The following SULF1 variants were observed in gnomAD, a reference collection of about 807,000 sequenced individuals.
SULF1 encodes extracellular sulfatase Sulf-1.
SULF1 carries 46 observed loss-of-function variants against 110.5 expected under a neutral mutation model. The ratio of observed to expected loss-of-function variants is 0.42; its 90% confidence interval spans 0.33 to 0.53. The LOEUF is 0.53. Ranked by LOEUF, SULF1 falls within the 20% of genes least tolerant of loss-of-function variation. SULF1 has a pLI of 0.12. For missense variants in SULF1, 941 were observed against 1,094.2 expected, an observed-to-expected ratio of 0.86 and a Z score of 1.98; for synonymous variants, 371 against 387.1, an observed-to-expected ratio of 0.96 and a Z score of 0.49.
chr8:69,492,975 C>G lies in SULF1; in HGVS notation c.-541C>G, dbSNP rs895076024. The G allele has an allele frequency of 6.5e-6, 1 of 152,710 alleles. No homozygotes were observed. Among genetic ancestry groups the G allele is most frequent in the South Asian group, 2.1e-4 (1 of 4,828 alleles). 9.5% of individuals were successfully genotyped at this position (152,710 alleles called of 1,614,324 possible). On this transcript the variant is annotated 5_prime_UTR_variant, in exon 1 of 23. Coordinates refer to ENST00000402687, the MANE Select transcript of SULF1 (RefSeq NM_001128205.2). ...ATCAGAGGCCAGGCCTTCCCGGCTGCCGGCGCTCCTCGGAGGTCAGGGCAG... is the reference window on the plus strand; with the variant it reads ...ATCAGAGGCCAGGCCTTCCCGGCTGGCGGCGCTCCTCGGAGGTCAGGGCAG...
intron 3 of SULF1, among the ~76,000 whole-genome samples, chr8:69,508,942 T>C (rs777676171): frequency 3.9e-5 from 6 of 152,210 alleles, no homozygotes; most frequent in Non-Finnish European, 8.8e-5. Flanking sequence ...CATAATATAA[T>C]GACTCATAGG....
intron 5 of SULF1, among the ~76,000 whole-genome samples, chr8:69,574,872 C>T (rs571317592): frequency 7.9e-5 from 12 of 152,304 alleles, no homozygotes; most frequent in South Asian, 4.1e-4. Context: ...GTCATGTGAA[C>T]GGTAAAAGCT....
At chr8:69,579,348 G>A (rs1263067980) in intron 6 of SULF1, among the ~76,000 whole-genome samples, 2 of 151,898 alleles carry the variant, frequency 1.3e-5, no homozygotes, top group Admixed American at 6.6e-5. Context: ...GAGGTCAGGA[G>A]TTCGAGCCTG....
intron 18 of SULF1, among the ~76,000 whole-genome samples, 190 bp from the exon 19 acceptor site, chr8:69,629,314 G>T (rs1810341761): frequency 6.6e-6 from 1 of 152,176 alleles, no homozygotes; most frequent in South Asian, 2.1e-4. Context: ...GATTACAGGT[G>T]CAAGTCACTG....
chr8:69,554,382 A>G (rs1011408198), intron 3 of SULF1, among the ~76,000 whole-genome samples: 5 of 145,266 alleles, frequency 3.4e-5, no homozygotes, highest in African/African-American at 1.3e-4. Context: ...TTTATTTTAC[A>G]TATAAGTAAC....
At chr8:69,601,593 T>C in intron 9 of SULF1, 61 bp from the exon 10 acceptor site, 1 of 1,412,914 alleles carries the variant, frequency 7.1e-7, no homozygotes, top group Non-Finnish European at 9.5e-7. Flanking sequence ...GTGGCAACAC[T>C]ATTGAGCATC....
intron 8 of SULF1, among the ~76,000 whole-genome samples, chr8:69,599,039 G>A (rs1262215925): frequency 6.6e-6 from 1 of 152,096 alleles, no homozygotes; most frequent in Non-Finnish European, 1.5e-5. Flanking sequence ...GCATTTATAT[G>A]ACCCAGTGTG....
intron 2 of SULF1, among the ~76,000 whole-genome samples, chr8:69,500,214 C>T (rs1218596614): frequency 6.6e-6 from 1 of 152,102 alleles, no homozygotes; most frequent in Non-Finnish European, 1.5e-5. Flanking sequence ...ATAATGATTG[C>T]CGATGTTTAT....
intron 3 of SULF1, among the ~76,000 whole-genome samples, chr8:69,511,366 C>T (rs571932811): frequency 3.3e-5 from 5 of 152,200 alleles, no homozygotes; most frequent in South Asian, 2.1e-4. Flanking sequence ...CTAATAATCA[C>T]GAAAATCCGA....
rs1304853391 is a variant in SULF1, at chr8:69,605,010, G to T, written c.1377+78G>T. 1.4e-5 allele frequency: 22 copies of T among 1,580,364 alleles called. No homozygotes were observed. In the East Asian group the frequency reaches 4.9e-4, roughly 35 times the overall value. On this transcript the variant is annotated intron_variant, in intron 13 of 22. Coordinates refer to ENST00000402687, the MANE Select transcript of SULF1 (RefSeq NM_001128205.2). The stretch of plus-strand genomic sequence containing the variant: ...TTTAGAAAATTGTCCACATATAAAA[G>T]AATGTACATTTGTGTATAAATAAGC...
rs183717149 is a variant in SULF1, at chr8:69,658,962, G to A, written c.*427G>A. ...TTAATCATTTGAATTCTGAACACTG[G>A]AGAAAAACCGAAAAATGGACGGGGC... On this transcript the variant is annotated 3_prime_UTR_variant, in exon 23 of 23. Coordinates refer to ENST00000402687, the MANE Select transcript of SULF1 (RefSeq NM_001128205.2). The A allele has an allele frequency of 2.4e-4, 110 of 458,568 alleles. No homozygotes were observed. Among genetic ancestry groups the A allele is most frequent in the Non-Finnish European group, 3.8e-4 (87 of 228,220 alleles). The allele number at this position is 458,568 out of a possible 1,614,324, so 28.4% of individuals were successfully genotyped here. A position where few individuals can be genotyped will look rare whatever the true frequency, so the allele number is the denominator to read the frequency against.
At chr8:69,477,171 G>A (rs1040073392) in intron 1 of SULF1, among the ~76,000 whole-genome samples, 1 of 152,140 alleles carries the variant, frequency 6.6e-6, no homozygotes, top group African/African-American at 2.4e-5. Flanking sequence ...AAATGAATAA[G>A]TAGAGAAGTC....
At chr8:69,626,595 G>T (rs1458000533) in intron 15 of SULF1, among the ~76,000 whole-genome samples, 1 of 152,242 alleles carries the variant, frequency 6.6e-6, no homozygotes, top group East Asian at 1.9e-4. Context: ...GGGAGGCTCA[G>T]GCATGGCGGG....
intron 3 of SULF1, among the ~76,000 whole-genome samples, chr8:69,545,855 A>G (rs926093980): frequency 2.0e-5 from 3 of 151,638 alleles, no homozygotes; most frequent in African/African-American, 7.3e-5. Context: ...TTGTTTTGTT[A>G]TGTTTTGTTT....
intron 3 of SULF1, among the ~76,000 whole-genome samples, chr8:69,561,384 C>A (rs963510992): frequency 1.3e-5 from 2 of 152,200 alleles, no homozygotes; most frequent in African/African-American, 4.8e-5. Flanking sequence ...ACCACTCTCT[C>A]TTTTCCATAT....
intron 5 of SULF1, among the ~76,000 whole-genome samples, chr8:69,569,012 T>C (rs1805021890): frequency 6.6e-6 from 1 of 152,186 alleles, no homozygotes; most frequent in Admixed American, 6.5e-5. Flanking sequence ...ACTCCTAACT[T>C]TCTGAGCCTA....
chr8:69,619,900 C>A lies in SULF1; in HGVS notation c.1378-1135C>A, dbSNP rs541879812. Among the ~76,000 whole-genome samples, 3 of 152,156 alleles carry A rather than the reference C, an allele frequency of 2.0e-5. No individual in the cohort carries two copies. In the East Asian group the frequency reaches 5.8e-4, roughly 29 times the overall value. ...TGTTACAATGCTCTTTTAGCCTTGC[C>A]GTCTGCAGACAGCTTGTTAACCAGT... On this transcript the variant is annotated intron_variant, in intron 13 of 22. Transcript: ENST00000402687.
At chr8:69,512,439 G>C (rs891594930) in intron 3 of SULF1, among the ~76,000 whole-genome samples, 1 of 152,126 alleles carries the variant, frequency 6.6e-6, no homozygotes, top group Non-Finnish European at 1.5e-5. Context: ...AAGGACCATC[G>C]GTATGAGGAA....
At chr8:69,480,885 T>C (rs1809489698) in intron 1 of SULF1, among the ~76,000 whole-genome samples, 1 of 119,656 alleles carries the variant, frequency 8.4e-6, no homozygotes, top group Non-Finnish European at 1.7e-5. Context: ...CTGGGGACTG[T>C]TGTGGGATGG....
Sources: gnomAD v4.1 joint callset for allele counts (sites outside exome capture counted in the v4.1 genomes callset) on GRCh38, gnomAD v4.1.1 for gene constraint, MANE v1.5 for transcripts, NCBI Gene and HGNC (gene_info 2026-07-23, HGNC 2026-07-21) for gene names.